Variants in GAB1 observed in about 807,000 individuals in gnomAD.
GAB1 encodes GRB2-associated-binding protein 1.
Under a neutral mutation model 66.5 loss-of-function variants are expected in GAB1, and 19 were observed. The observed-to-expected ratio is 0.29, with a 90% CI of 0.20 to 0.42. GAB1 has a LOEUF of 0.42. Among genes scored for constraint, GAB1 ranks in the 10% least tolerant of loss-of-function variants. The pLI is 1.00. For synonymous variants in GAB1, 294 were observed against 301.4 expected, an observed-to-expected ratio of 0.98 and a Z score of 0.25; for missense variants, 732 against 858.5, an observed-to-expected ratio of 0.85 and a Z score of 1.84.
rs565246967 is a variant in GAB1 at position 143,382,585 on chromosome 4, T to C, written c.73-32892T>C. 3.7e-4 allele frequency among the ~76,000 whole-genome samples: 56 copies of C among 152,356 alleles called. 1 individual carries two copies. Among genetic ancestry groups the C allele is most frequent in the African/African-American group, 1.3e-3 (56 of 41,580 alleles). On this transcript the variant is annotated intron_variant, in intron 1 of 9. Transcript: ENST00000262994. ...AAATACTACCTTCAAAGTCCTGTTTTGCTCTGTTAGGAGGTTCCATCATTC... is the reference window on the plus strand; with the variant it reads ...AAATACTACCTTCAAAGTCCTGTTTCGCTCTGTTAGGAGGTTCCATCATTC...
chr4:143,373,047 ACACAC>A (rs1730209224), intron 1 of GAB1, among the ~76,000 whole-genome samples: 2 of 43,758 alleles, frequency 4.6e-5, no homozygotes, highest in African/African-American at 1.1e-4. Flanking sequence ...CTTTAAAAAC[ACACAC>A]ACACACACAC....
intron 1 of GAB1, among the ~76,000 whole-genome samples, chr4:143,354,401 C>T (rs1436016907): frequency 2.0e-5 from 3 of 151,802 alleles, no homozygotes; most frequent in African/African-American, 4.8e-5. Flanking sequence ...TGTAAATGCT[C>T]TTAGAGAGAA....
chr4:143,340,489 C>CA (rs931044411), intron 1 of GAB1, among the ~76,000 whole-genome samples: 1 of 151,882 alleles, frequency 6.6e-6, no homozygotes, highest in Admixed American at 6.5e-5. Flanking sequence ...TTTTAAGTGA[C>CA]AAAAAAATTG....
intron 1 of GAB1, among the ~76,000 whole-genome samples, chr4:143,399,190 C>A (rs1237934079): frequency 2.0e-5 from 3 of 152,156 alleles, no homozygotes; most frequent in Non-Finnish European, 4.4e-5. Flanking sequence ...AGTGGCCAGA[C>A]CATGTCAGTC....
intron 4 of GAB1, 58 bp downstream of exon 4, chr4:143,438,658 T>C (rs1734069032): frequency 7.9e-6 from 12 of 1,528,638 alleles, no homozygotes; most frequent in Non-Finnish European, 9.7e-6. Context: ...TCGATTTTTC[T>C]GAATATTTGT....
intron 2 of GAB1, among the ~76,000 whole-genome samples, chr4:143,418,823 A>G (rs1360119036): frequency 6.6e-6 from 1 of 152,206 alleles, no homozygotes; most frequent in African/African-American, 2.4e-5. Flanking sequence ...AGAACCCAAA[A>G]TAAGAATTTT....
At chr4:143,449,457 T>G (rs1427370045) in intron 6 of GAB1, among the ~76,000 whole-genome samples, 3 of 151,954 alleles carry the variant, frequency 2.0e-5, no homozygotes, top group Non-Finnish European at 4.4e-5. Context: ...GGACTTGCTT[T>G]ATGAATCTGG....
chr4:143,405,080 C>A (rs1731972186), intron 1 of GAB1, among the ~76,000 whole-genome samples: 1 of 152,130 alleles, frequency 6.6e-6, no homozygotes, highest in African/African-American at 2.4e-5. Context: ...TTTATTTAAA[C>A]AAGACGTTAT....
At chr4:143,353,773 G>A (rs1490513093) in intron 1 of GAB1, among the ~76,000 whole-genome samples, 2 of 151,814 alleles carry the variant, frequency 1.3e-5, no homozygotes, top group South Asian at 2.1e-4. Context: ...AATTATCTCT[G>A]TATTAAAGTA....
chr4:143,433,748 CAG>C (rs1263414551), intron 3 of GAB1, 32 bp downstream of exon 3: 9 of 1,512,994 alleles, frequency 5.9e-6, no homozygotes, highest in African/African-American at 2.7e-5. Context: ...GAGAGAGAGA[CAG>C]AGGCGTGTGT....
chr4:143,441,155 C>G (rs1734208954), intron 6 of GAB1, among the ~76,000 whole-genome samples: 1 of 152,102 alleles, frequency 6.6e-6, no homozygotes, highest in Admixed American at 6.5e-5. Context: ...GTTAAGAAGT[C>G]TGTAAAAGAA....
intron 1 of GAB1, among the ~76,000 whole-genome samples, chr4:143,351,876 G>A (rs1225595421): frequency 6.6e-6 from 1 of 152,086 alleles, no homozygotes; most frequent in Non-Finnish European, 1.5e-5. Context: ...CATATAGAGG[G>A]GTTCATAAAG....
At chr4:143,450,968 A>G (rs1348995419) in intron 6 of GAB1, among the ~76,000 whole-genome samples, 2 of 152,176 alleles carry the variant, frequency 1.3e-5, no homozygotes, top group Non-Finnish European at 2.9e-5. Flanking sequence ...GTTCATTAAC[A>G]TTCATACAAC....
intron 1 of GAB1, chr4:143,350,233 T>C (rs1729147191): frequency 1.7e-6 from 1 of 599,248 alleles, no homozygotes; most frequent in Non-Finnish European, 3.0e-6. Context: ...GATGGATACG[T>C]TGGCCCTGTT....
intron 1 of GAB1, among the ~76,000 whole-genome samples, chr4:143,356,379 T>G (rs973871104): frequency 6.6e-5 from 10 of 152,172 alleles, no homozygotes; most frequent in African/African-American, 2.4e-4. Flanking sequence ...ACTGGAAAAT[T>G]GTTTTTAAAA....
intron 1 of GAB1, among the ~76,000 whole-genome samples, chr4:143,386,929 A>G (rs1350242181): frequency 6.6e-6 from 1 of 152,120 alleles, no homozygotes; most frequent in Non-Finnish European, 1.5e-5. Context: ...CCCTTTACAG[A>G]AGATTTTTTT....
intron 2 of GAB1, among the ~76,000 whole-genome samples, chr4:143,429,279 T>G (rs946092566): frequency 6.6e-6 from 1 of 152,104 alleles, no homozygotes; most frequent in African/African-American, 2.4e-5. Flanking sequence ...ATTTTTGTAT[T>G]TTTAGTAGAG....
At chr4:143,344,144 A>T (rs1338904306) in intron 1 of GAB1, among the ~76,000 whole-genome samples, 1 of 152,210 alleles carries the variant, frequency 6.6e-6, no homozygotes, top group Non-Finnish European at 1.5e-5. Flanking sequence ...GAGGGAGAAT[A>T]AAAGAGCCTT....
intron 2 of GAB1, among the ~76,000 whole-genome samples, chr4:143,422,413 G>C (rs1285271095): frequency 6.6e-6 from 1 of 152,128 alleles, no homozygotes; most frequent in East Asian, 1.9e-4. Context: ...AGAACATGGG[G>C]ATCACCACAG....
Sources: gnomAD v4.1 joint callset for allele counts (sites outside exome capture counted in the v4.1 genomes callset) on GRCh38, gnomAD v4.1.1 for gene constraint, MANE v1.5 for transcripts, NCBI Gene and HGNC (gene_info 2026-07-23, HGNC 2026-07-21) for gene names.